Variants in NELL1 observed in about 807,000 individuals in gnomAD.
NELL1 encodes the protein protein kinase C-binding protein NELL1.
Under a neutral mutation model 107.4 loss-of-function variants are expected in NELL1, and 76 were observed. The observed-to-expected ratio is 0.71, with a 90% CI of 0.59 to 0.86. The LOEUF (loss-of-function observed/expected upper bound fraction) is 0.86. Ranked by LOEUF, NELL1 falls within the 40% of genes least tolerant of loss-of-function variation. The probability of loss-of-function intolerance (pLI) is 0.00; values close to 1 mark genes in which losing one functional copy is unlikely to be tolerated. For missense variants in NELL1, 1,024 were observed against 1,005.5 expected, an observed-to-expected ratio of 1.02 and a Z score of -0.25; for synonymous variants, 353 against 341.2, an observed-to-expected ratio of 1.03 and a Z score of -0.38.
chr11:21,447,965 C>T (rs988990591), intron 15 of NELL1, among the ~76,000 whole-genome samples: 1 of 152,152 alleles, frequency 6.6e-6, no homozygotes, highest in African/African-American at 2.4e-5. Context: ...TCCATGGGTG[C>T]CATCTGAGTT....
intron 12 of NELL1, among the ~76,000 whole-genome samples, chr11:21,073,923 A>G (rs950760385): frequency 1.3e-5 from 2 of 152,142 alleles, no homozygotes; most frequent in Admixed American, 6.6e-5. Flanking sequence ...TTTTAGGCAA[A>G]CAACAACAAC....
intron 13 of NELL1, among the ~76,000 whole-genome samples, chr11:21,114,083 T>A (rs1488199009): frequency 6.6e-6 from 1 of 151,996 alleles, no homozygotes; most frequent in East Asian, 1.9e-4. Flanking sequence ...ATGTACTTTG[T>A]TCCCACTGGG....
intron 12 of NELL1, among the ~76,000 whole-genome samples, chr11:21,060,586 G>T (rs1447836538): frequency 6.6e-6 from 1 of 152,190 alleles, no homozygotes; most frequent in African/African-American, 2.4e-5. Flanking sequence ...TAATGAGCCA[G>T]AGAGTTGGGA....
chr11:21,139,834 G>A (rs536468474), intron 13 of NELL1, among the ~76,000 whole-genome samples: 4 of 152,264 alleles, frequency 2.6e-5, no homozygotes, highest in African/African-American at 9.6e-5. Context: ...TAAGTCTGGA[G>A]GTCAGGCAGT....
intron 15 of NELL1, among the ~76,000 whole-genome samples, chr11:21,392,034 G>A (rs1002937078): frequency 6.6e-6 from 1 of 151,758 alleles, no homozygotes; most frequent in African/African-American, 2.4e-5. Flanking sequence ...TTGATTGCTA[G>A]CATTCTGAGA....
chr11:21,313,048 G>A lies in NELL1; in HGVS notation c.1550-57805G>A, dbSNP rs903499994. Reference sequence around the variant, plus strand: ...CCAAGATCATGCCACTGCACTCCCCGTCTCAAAATAAAATAAAATAAAATA... The same window carrying A: ...CCAAGATCATGCCACTGCACTCCCCATCTCAAAATAAAATAAAATAAAATA... On this transcript the variant is annotated intron_variant, in intron 14 of 19. Transcript: ENST00000357134. Among the ~76,000 whole-genome samples, 8 of 117,330 alleles carry A rather than the reference G, an allele frequency of 6.8e-5. No homozygotes were observed. The South Asian group carries it at 8.9e-4, about 13-fold the overall frequency. 77.0% of individuals were successfully genotyped at this position (117,330 alleles called of 152,430 possible). A position where few individuals can be genotyped will look rare whatever the true frequency, so the allele number is the denominator to read the frequency against.
At chr11:21,261,357 T>G (rs1200776526) in intron 14 of NELL1, among the ~76,000 whole-genome samples, 1 of 151,768 alleles carries the variant, frequency 6.6e-6, no homozygotes, top group African/African-American at 2.4e-5. Context: ...CCCCTTTCCA[T>G]CCTTTGAAAG....
intron 3 of NELL1, among the ~76,000 whole-genome samples, chr11:20,833,214 T>G (rs533162249): frequency 6.6e-6 from 1 of 152,332 alleles, no homozygotes; most frequent in Non-Finnish European, 1.5e-5. Context: ...AGAGGGTTGT[T>G]CCAAGAATTT....
rs1403037973 is a variant in NELL1 at position 21,188,547 on chromosome 11, A to G, written c.1427-40785A>G. Among the ~76,000 whole-genome samples the G allele has an allele frequency of 2.0e-5, 3 of 151,886 alleles. 1 individual carries two copies. Among genetic ancestry groups the G allele is most frequent in the African/African-American group, 7.3e-5 (3 of 41,154 alleles). On this transcript the variant is annotated intron_variant, in intron 13 of 19. Transcript: ENST00000357134. The stretch of plus-strand genomic sequence containing the variant: ...CTTGAAATTTACAACCCTTAAGTCC[A>G]CAAGGCTGTTATTTAGAAGTGAAGG...
At position 21,126,040 on chromosome 11, in the gene NELL1, T is replaced by G. The variant is rs549306213; in HGVS notation, c.1426+12326T>G. Among the ~76,000 whole-genome samples, 8 of 152,240 alleles carry G rather than the reference T, an allele frequency of 5.3e-5. No homozygotes were observed. The South Asian group carries it at 1.7e-3, about 32-fold the overall frequency. On this transcript the variant is annotated intron_variant, in intron 13 of 19. Transcript: ENST00000357134. ...GTAAACGCTCAATAACTGTTAGCAA[T>G]TACTACCTCTACACATGAGGAATCT...
intron 14 of NELL1, among the ~76,000 whole-genome samples, chr11:21,319,591 C>T (rs1467381603): frequency 6.6e-6 from 1 of 151,302 alleles, no homozygotes; most frequent in Non-Finnish European, 1.5e-5. Context: ...ATCTGCCCGC[C>T]TCTGCCTTTC....
intron 12 of NELL1, among the ~76,000 whole-genome samples, chr11:20,983,755 T>C (rs895236146): frequency 6.6e-6 from 1 of 151,542 alleles, no homozygotes; most frequent in African/African-American, 2.4e-5. Context: ...TCTCTTTAAT[T>C]GGTTTTGGAT....
intron 2 of NELL1, among the ~76,000 whole-genome samples, chr11:20,750,500 A>G (rs563940131): frequency 1.3e-5 from 2 of 152,102 alleles, no homozygotes; most frequent in South Asian, 2.1e-4. Context: ...CTTTAAAGCC[A>G]TGAAGAAATT....
At chr11:21,500,913 C>A (rs970485375) in intron 15 of NELL1, among the ~76,000 whole-genome samples, 4 of 152,116 alleles carry the variant, frequency 2.6e-5, no homozygotes, top group African/African-American at 7.2e-5. Flanking sequence ...TATTTTCCAA[C>A]TTTTATTTCA....
At chr11:20,788,579 A>G (rs979466780) in intron 3 of NELL1, among the ~76,000 whole-genome samples, 24 of 151,948 alleles carry the variant, frequency 1.6e-4, no homozygotes, top group Admixed American at 3.3e-4. Context: ...TGTAATAATC[A>G]TGTATGTTTT....
chr11:20,909,273 T>A lies in NELL1; in HGVS notation c.604-8909T>A, dbSNP rs1850072653. ...GGTGATGGTTGCATAACACTGTGAATGTATTTAATGCCACTGAATTGTGCA... is the reference window on the plus strand; with the variant it reads ...GGTGATGGTTGCATAACACTGTGAAAGTATTTAATGCCACTGAATTGTGCA... On this transcript the variant is annotated intron_variant, in intron 5 of 19. Coordinates refer to ENST00000357134, the MANE Select transcript of NELL1 (RefSeq NM_006157.5). Among the ~76,000 whole-genome samples the A allele has an allele frequency of 3.3e-5, 5 of 152,212 alleles. No homozygotes were observed. The South Asian group carries it at 1.0e-3, about 32-fold the overall frequency.
chr11:21,536,736 C>A (rs574895586), intron 16 of NELL1, among the ~76,000 whole-genome samples: 1 of 152,106 alleles, frequency 6.6e-6, no homozygotes, highest in East Asian at 1.9e-4. Flanking sequence ...AAAGGTGACA[C>A]CTCATTCCCA....
At chr11:21,065,262 A>G (rs914091565) in intron 12 of NELL1, among the ~76,000 whole-genome samples, 2 of 152,056 alleles carry the variant, frequency 1.3e-5, no homozygotes, top group African/African-American at 2.4e-5. Context: ...TAGCTTCATA[A>G]AGGCAGGATT....
Position 20,835,486 on chromosome 11 carries a change from G to A in NELL1, c.336-12097G>A, listed in dbSNP as rs577629068. Reference sequence around the variant, plus strand: ...GATAAGTGAGTGATTTTAATTTTGAGTGGGAGAATATGTATCAAATTGAAA... The same window carrying A: ...GATAAGTGAGTGATTTTAATTTTGAATGGGAGAATATGTATCAAATTGAAA... On this transcript the variant is annotated intron_variant, in intron 3 of 19. Transcript: ENST00000357134. Among the ~76,000 whole-genome samples, 10 of 152,232 alleles carry A rather than the reference G, an allele frequency of 6.6e-5. No homozygotes were observed. In the South Asian group the frequency reaches 2.1e-3, roughly 32 times the overall value.
Sources: gnomAD v4.1 joint callset for allele counts (sites outside exome capture counted in the v4.1 genomes callset) on GRCh38, gnomAD v4.1.1 for gene constraint, MANE v1.5 for transcripts, NCBI Gene and HGNC (gene_info 2026-07-23, HGNC 2026-07-21) for gene names.